Variants in ADGRV1 observed in about 807,000 individuals in gnomAD.
ADGRV1 encodes G-protein coupled receptor 98.
In ADGRV1, 359 loss-of-function variants were observed where a neutral mutation model predicts 596.2. The ratio of observed to expected loss-of-function variants is 0.60; its 90% CI spans 0.55 to 0.66. The LOEUF (loss-of-function observed/expected upper bound fraction) is 0.66. Ranked by LOEUF, ADGRV1 falls within the 30% of genes least tolerant of loss-of-function variation. The pLI is 0.00. For synonymous variants in ADGRV1, 2,681 were observed against 2,679.2 expected, an observed-to-expected ratio of 1.00 and a Z score of -0.02; for missense variants, 7,274 against 7,575.6, an observed-to-expected ratio of 0.96 and a Z score of 1.48.
chr5:91,143,214 C>T (rs1202733286), intron 87 of ADGRV1, among the ~76,000 whole-genome samples: 3 of 152,210 alleles, frequency 2.0e-5, no homozygotes, highest in African/African-American at 7.2e-5. Context: ...AAGAGGGTGT[C>T]ACTGCCCTGG....
intron 87 of ADGRV1, among the ~76,000 whole-genome samples, chr5:91,106,417 C>T (rs1031345110): frequency 5.9e-5 from 9 of 152,028 alleles, no homozygotes; most frequent in Non-Finnish European, 1.3e-4. Flanking sequence ...CAGCTTTGTT[C>T]TTTTGCTTAG....
rs1788100583 is a variant in ADGRV1, at chr5:91,068,655, A to G, written c.18153-3792A>G. ...AATACATGACACAAACAATTGGAAA[A>G]GCATTCCAGCTAGTGGATTAGAGGA... On this transcript the variant is annotated intron_variant, in intron 85 of 89. Coordinates refer to ENST00000405460, the MANE Select transcript of ADGRV1 (RefSeq NM_032119.4). Among the ~76,000 whole-genome samples, 3 of 152,314 alleles carry G rather than the reference A, an allele frequency of 2.0e-5. No individual in the cohort carries two copies. In the South Asian group the frequency reaches 6.2e-4, roughly 32 times the overall value.
chr5:90,976,995 C>G (rs867085227), intron 84 of ADGRV1, among the ~76,000 whole-genome samples: 11 of 152,184 alleles, frequency 7.2e-5, no homozygotes, highest in Middle Eastern at 3.4e-3. Flanking sequence ...TCAATATAAC[C>G]AGGCTATGAA....
At chr5:91,141,551 C>T (rs980491310) in intron 87 of ADGRV1, among the ~76,000 whole-genome samples, 3 of 151,792 alleles carry the variant, frequency 2.0e-5, no homozygotes, top group Non-Finnish European at 4.4e-5. Flanking sequence ...GTAAATAAGA[C>T]CATCAACAAA....
chr5:90,630,925 T>A (rs1012047136), intron 9 of ADGRV1, among the ~76,000 whole-genome samples: 2 of 152,186 alleles, frequency 1.3e-5, no homozygotes, highest in Non-Finnish European at 2.9e-5. Context: ...ATTTTTTTAC[T>A]GAGCTCCTGA....
chr5:90,706,625 T>C (rs926700925), intron 38 of ADGRV1, among the ~76,000 whole-genome samples: 7 of 151,900 alleles, frequency 4.6e-5, no homozygotes, highest in African/African-American at 1.7e-4. Context: ...GAAGAGTCTA[T>C]CTATAACATA....
chr5:91,026,553 A>G (rs1172905704), intron 85 of ADGRV1, among the ~76,000 whole-genome samples: 4 of 152,068 alleles, frequency 2.6e-5, no homozygotes, highest in Non-Finnish European at 5.9e-5. Context: ...TTGGATTGGT[A>G]CCTCCTTGGA....
chr5:90,817,771 A>G (rs1763047303), intron 75 of ADGRV1, among the ~76,000 whole-genome samples: 1 of 152,046 alleles, frequency 6.6e-6, no homozygotes, highest in Non-Finnish European at 1.5e-5. Context: ...CCATTAATCT[A>G]TATCTCTGTT....
At chr5:91,008,505 TA>T (rs890149184) in intron 85 of ADGRV1, among the ~76,000 whole-genome samples, 149 of 152,252 alleles carry the variant, frequency 9.8e-4, no homozygotes, top group African/African-American at 3.0e-3. Flanking sequence ...TAATTTTATT[TA>T]TTTTTTTATT....
rs776375486 is a variant in ADGRV1, at chr5:90,658,248, G to C, written c.4722G>C (p.Leu1574Phe). 6.5e-7 allele frequency: 1 copy of C among 1,533,376 alleles called. No individual in the cohort carries two copies. Among genetic ancestry groups the C allele is most frequent in the Non-Finnish European group, 8.8e-7 (1 of 1,140,970 alleles). The allele number at this position is 1,533,376 out of a possible 1,614,324, so 95.0% of individuals were successfully genotyped here. A position where few individuals can be genotyped will look rare whatever the true frequency, so the allele number is the denominator to read the frequency against. The change falls in exon 21 of 90, where the codon TTG becomes TTC. Residue 1574 changes from leucine to phenylalanine, a missense_variant. Transcript: ENST00000405460. ...TIQKSDNANG[L>F]FGFTGACIPE... ...AAAAAAGTGACAATGCAAATGGCTTGTTTGGTTTCACAGGAGCTTGTATAC... is the reference window on the plus strand; with the variant it reads ...AAAAAAGTGACAATGCAAATGGCTTCTTTGGTTTCACAGGAGCTTGTATAC...
At chr5:90,998,451 T>A (rs1440380211) in intron 85 of ADGRV1, among the ~76,000 whole-genome samples, 1 of 152,172 alleles carries the variant, frequency 6.6e-6, no homozygotes, top group Non-Finnish European at 1.5e-5. Flanking sequence ...TGTATCGGTA[T>A]GTAATACTCA....
intron 87 of ADGRV1, among the ~76,000 whole-genome samples, chr5:91,115,081 C>T (rs1214807834): frequency 1.3e-5 from 2 of 152,132 alleles, no homozygotes; most frequent in Non-Finnish European, 2.9e-5. Context: ...GGATCTTGGC[C>T]CTTCAACTAC....
rs1374485457 is a variant in ADGRV1 at position 90,658,089 on chromosome 5, T to A, written c.4563T>A (p.Thr1521=). The A allele has an allele frequency of 1.2e-6, 2 of 1,613,872 alleles. No individual in the cohort carries two copies. The highest frequency in any genetic ancestry group is 2.2e-5 in the South Asian group (2 of 91,074). ...SGYLEFRQGE[T]NKSFIISARD... ...ATCTGGAGTTCAGACAGGGAGAAAC[T>A]AACAAATCATTCATTATTTCTGCAA... Residue 1521 remains threonine, a synonymous_variant, in exon 21 of 90, where the codon ACT becomes ACA. Transcript: ENST00000405460.
At chr5:91,121,227 A>G (rs1448730959) in intron 87 of ADGRV1, among the ~76,000 whole-genome samples, 1 of 152,150 alleles carries the variant, frequency 6.6e-6, no homozygotes, top group Non-Finnish European at 1.5e-5. Context: ...ATAGGGGAAC[A>G]CTATTTATTT....
chr5:90,938,822 A>G (rs1775932939), intron 83 of ADGRV1, among the ~76,000 whole-genome samples: 1 of 152,206 alleles, frequency 6.6e-6, no homozygotes, highest in Admixed American at 6.5e-5. Context: ...TATTGGTAGG[A>G]AAAGTAAAGT....
At chr5:90,693,589 A>C (rs1429553554) in intron 32 of ADGRV1, among the ~76,000 whole-genome samples, 1 of 152,112 alleles carries the variant, frequency 6.6e-6, no homozygotes, top group Non-Finnish European at 1.5e-5. Context: ...TGTTTCAGTT[A>C]AGTAAAGCAA....
intron 86 of ADGRV1, among the ~76,000 whole-genome samples, chr5:91,100,942 C>A (rs189108142): frequency 1.3e-5 from 2 of 152,008 alleles, no homozygotes; most frequent in African/African-American, 4.8e-5. Context: ...GTCAGGGTTA[C>A]AAAAGTCAAG....
chr5:91,049,338 A>G (rs1786112818), intron 85 of ADGRV1, among the ~76,000 whole-genome samples: 1 of 152,144 alleles, frequency 6.6e-6, no homozygotes. Flanking sequence ...GTTTAAATGC[A>G]TTGTCTGATG....
chr5:90,825,640 T>A (rs962134478), intron 76 of ADGRV1, among the ~76,000 whole-genome samples: 3 of 152,070 alleles, frequency 2.0e-5, no homozygotes, highest in African/African-American at 7.2e-5. Context: ...CCATTAGGAG[T>A]GGGCTTGGGC....
Sources: gnomAD v4.1 joint callset for allele counts (sites outside exome capture counted in the v4.1 genomes callset) on GRCh38, gnomAD v4.1.1 for gene constraint, MANE v1.5 for transcripts, NCBI Gene and HGNC (gene_info 2026-07-23, HGNC 2026-07-21) for gene names.